Variants in CSGALNACT1 observed in about 807,000 individuals in gnomAD.
The protein encoded by CSGALNACT1 is beta4GalNAcT-1.
CSGALNACT1 carries 52 observed loss-of-function variants against 51.0 expected under a neutral mutation model. That is an observed-to-expected ratio of 1.02 (90% confidence interval 0.82 to 1.29). The LOEUF is 1.29. Ranked by LOEUF, CSGALNACT1 falls within the 50% of genes most tolerant of loss-of-function variation. CSGALNACT1 has a pLI of 0.00. For missense variants in CSGALNACT1, 935 were observed against 679.2 expected, an observed-to-expected ratio of 1.38 and a Z score of -4.19; for synonymous variants, 341 against 254.4, an observed-to-expected ratio of 1.34 and a Z score of -3.24.
At chr8:19,593,021 G>A (rs889298533) in intron 2 of CSGALNACT1, among the ~76,000 whole-genome samples, 1 of 152,150 alleles carries the variant, frequency 6.6e-6, no homozygotes, top group Non-Finnish European at 1.5e-5. Flanking sequence ...GCATCATTAA[G>A]TCAAAGAACA....
chr8:19,413,031 T>C (rs545332773), intron 8 of CSGALNACT1, among the ~76,000 whole-genome samples: 1 of 152,228 alleles, frequency 6.6e-6, no homozygotes, highest in Admixed American at 6.5e-5. Context: ...TCTTGAGAAA[T>C]AAGGTATCCT....
intron 4 of CSGALNACT1, among the ~76,000 whole-genome samples, chr8:19,503,732 G>A (rs1045977566): frequency 6.6e-6 from 1 of 151,720 alleles, no homozygotes; most frequent in Non-Finnish European, 1.5e-5. Flanking sequence ...TGCTTATACA[G>A]GTTAGCTCCT....
chr8:19,506,010 G>T lies in CSGALNACT1; in HGVS notation c.-176C>A. 1.4e-6 allele frequency: 1 copy of T among 735,748 alleles called. No individual in the cohort carries two copies. Among genetic ancestry groups the T allele is most frequent in the Non-Finnish European group, 2.4e-6 (1 of 417,700 alleles). 45.6% of individuals were successfully genotyped at this position (735,748 alleles called of 1,614,324 possible). A position where few individuals can be genotyped will look rare whatever the true frequency, so the allele number is the denominator to read the frequency against. On this transcript the variant is annotated 5_prime_UTR_variant, in exon 4 of 10. In the 5' UTR this introduces an upstream ATG that the reference lacks. Coordinates refer to ENST00000454498, the Ensembl canonical transcript of CSGALNACT1. Reference sequence around the variant, plus strand: ...TTGGAGTTAACCACCACACAGAGCAGCTTCTCTACTTTTAAAGGATGATCT... The same window carrying T: ...TTGGAGTTAACCACCACACAGAGCATCTTCTCTACTTTTAAAGGATGATCT...
At chr8:19,706,263 C>A (rs1162998604) in intron 1 of CSGALNACT1, among the ~76,000 whole-genome samples, 2 of 152,094 alleles carry the variant, frequency 1.3e-5, no homozygotes, top group Non-Finnish European at 2.9e-5. Context: ...AGGTATTTTA[C>A]AAAAAGGCAG....
chr8:19,717,362 C>T (rs2062867438), intron 1 of CSGALNACT1, among the ~76,000 whole-genome samples: 1 of 152,204 alleles, frequency 6.6e-6, no homozygotes, highest in Non-Finnish European at 1.5e-5. Flanking sequence ...CTTCTTATGA[C>T]TGCAGAAAAT....
intron 3 of CSGALNACT1, among the ~76,000 whole-genome samples, chr8:19,560,376 G>A (rs1249288425): frequency 3.3e-5 from 5 of 152,180 alleles, no homozygotes; most frequent in Non-Finnish European, 5.9e-5. Flanking sequence ...ACCTTATGAA[G>A]TGGCTGACGA....
intron 5 of CSGALNACT1, among the ~76,000 whole-genome samples, chr8:19,441,378 T>C (rs1586085044): frequency 6.6e-6 from 1 of 151,998 alleles, no homozygotes; most frequent in Non-Finnish European, 1.5e-5. Flanking sequence ...GAGATATAGA[T>C]CAATGGAACA....
chr8:19,436,785 C>CT (rs1352172416), intron 6 of CSGALNACT1, among the ~76,000 whole-genome samples: 1 of 152,104 alleles, frequency 6.6e-6, no homozygotes, highest in African/African-American at 2.4e-5. Flanking sequence ...GTGGCACATG[C>CT]TTGTAGTCCC....
intron 1 of CSGALNACT1, among the ~76,000 whole-genome samples, chr8:19,654,709 A>T (rs1243614551): frequency 1.3e-5 from 2 of 151,994 alleles, no homozygotes; most frequent in Non-Finnish European, 2.9e-5. Context: ...ACGCCCAGCT[A>T]ATTTTTTGTA....
At chr8:19,444,033 A>C (rs1563425625) in intron 5 of CSGALNACT1, among the ~76,000 whole-genome samples, 1 of 152,202 alleles carries the variant, frequency 6.6e-6, no homozygotes, top group African/African-American at 2.4e-5. Context: ...CTAATGCTAC[A>C]GCTGATCTGA....
intron 1 of CSGALNACT1, among the ~76,000 whole-genome samples, chr8:19,665,396 C>T (rs985073295): frequency 6.6e-6 from 1 of 152,202 alleles, no homozygotes; most frequent in Non-Finnish European, 1.5e-5. Flanking sequence ...TTACAAATGT[C>T]TGTTTATGAA....
At chr8:19,746,791 G>C (rs937355635) in intron 1 of CSGALNACT1, among the ~76,000 whole-genome samples, 7 of 152,128 alleles carry the variant, frequency 4.6e-5, no homozygotes, top group Admixed American at 6.5e-5. Flanking sequence ...AAGATTTCTA[G>C]CTCATGTACA....
chr8:19,638,174 T>C (rs1456622654), intron 1 of CSGALNACT1, among the ~76,000 whole-genome samples: 1 of 152,054 alleles, frequency 6.6e-6, no homozygotes, highest in Non-Finnish European at 1.5e-5. Context: ...GAAACTCCCT[T>C]CCCTGCCTCC....
intron 5 of CSGALNACT1, among the ~76,000 whole-genome samples, chr8:19,440,962 G>T (rs1400268358): frequency 1.2e-4 from 18 of 152,168 alleles, no homozygotes; most frequent in South Asian, 4.2e-4. Flanking sequence ...TGAACTCCCA[G>T]TCACAATTGC....
chr8:19,569,923 A>T (rs761525058), intron 3 of CSGALNACT1, among the ~76,000 whole-genome samples: 4 of 152,230 alleles, frequency 2.6e-5, no homozygotes, highest in Non-Finnish European at 4.4e-5. Flanking sequence ...TCTCAGAGAC[A>T]CAATTAAAGA....
intron 6 of CSGALNACT1, among the ~76,000 whole-genome samples, chr8:19,424,482 C>A (rs748691904): frequency 9.9e-5 from 15 of 152,044 alleles, no homozygotes; most frequent in Non-Finnish European, 2.1e-4. Context: ...AAAAAGAGGA[C>A]TGAACTGGAA....
intron 1 of CSGALNACT1, among the ~76,000 whole-genome samples, chr8:19,647,210 C>A (rs551416454): frequency 3.6e-4 from 55 of 152,306 alleles, no homozygotes; most frequent in Non-Finnish European, 7.2e-4. Context: ...GTCCATTACA[C>A]CTGCTATCCA....
In CSGALNACT1 at chr8:19,501,564, G is replaced by C. The variant is rs74412836; in HGVS notation, c.634+3637C>G. ...TACTAACCCTGCAGAGGCTGGAGGA[G>C]GATGAGCCACACAGGCTGGTGACAG... On this transcript the variant is annotated intron_variant, in intron 4 of 9. Transcript: ENST00000454498. Among the ~76,000 whole-genome samples, 137 of 152,290 alleles carry C rather than the reference G, an allele frequency of 9.0e-4. No individual in the cohort carries two copies. The East Asian group carries it at 0.013, about 14-fold the overall frequency.
At chr8:19,693,558 T>G (rs930475536) in intron 1 of CSGALNACT1, among the ~76,000 whole-genome samples, 1 of 152,178 alleles carries the variant, frequency 6.6e-6, no homozygotes, top group African/African-American at 2.4e-5. Context: ...TCAATCTTGA[T>G]CACGCCTTAC....
Sources: gnomAD v4.1 joint callset for allele counts (sites outside exome capture counted in the v4.1 genomes callset) on GRCh38, gnomAD v4.1.1 for gene constraint, MANE v1.5 for transcripts, NCBI Gene and HGNC (gene_info 2026-07-23, HGNC 2026-07-21) for gene names.